RNLS: variants seen among roughly 807,000 people sequenced by gnomAD.
The protein encoded by RNLS is renalase, FAD dependent amine oxidase.
Under a neutral mutation model 39.8 loss-of-function variants are expected in RNLS, and 39 were observed. That is an observed-to-expected ratio of 0.98 (90% CI 0.76 to 1.28). RNLS has a LOEUF of 1.28. Among genes scored for constraint, RNLS ranks in the 50% most tolerant of loss-of-function variants. RNLS has a pLI of 0.00. For synonymous variants in RNLS, 147 were observed against 150.7 expected (o/e 0.98, Z 0.18); for missense variants, 410 against 413.3 (o/e 0.99, Z 0.07).
At chr10:88,236,488 G>A in the RNLS span, among the ~76,000 whole-genome samples, 1 of 152,202 alleles carries the variant, frequency 6.6e-6, no homozygotes, top group African/African-American at 2.4e-5. Context: ...GGCTACCCTT[G>A]ATAGTAGCCC....
chr10:88,252,296 C>CA, the RNLS span, among the ~76,000 whole-genome samples: 12 of 152,114 alleles, frequency 7.9e-5, no homozygotes, highest in African/African-American at 1.9e-4. Flanking sequence ...CTTGTTCTGA[C>CA]AAAAAACGCT....
intron 4 of RNLS, among the ~76,000 whole-genome samples, chr10:88,419,864 G>A (rs1462583247): frequency 1.3e-5 from 2 of 151,930 alleles, no homozygotes; most frequent in Non-Finnish European, 2.9e-5. Flanking sequence ...CAAAAAATTA[G>A]CCATGCATGG....
chr10:88,458,120 T>A (rs1842739421), intron 4 of RNLS, among the ~76,000 whole-genome samples: 1 of 152,226 alleles, frequency 6.6e-6, no homozygotes, highest in South Asian at 2.1e-4. Flanking sequence ...CCATCATGGG[T>A]TGGATGCCAC....
the RNLS span, among the ~76,000 whole-genome samples, chr10:88,225,043 G>A: frequency 1.3e-5 from 2 of 152,198 alleles, no homozygotes; most frequent in South Asian, 2.1e-4. Context: ...ACAATAGGAA[G>A]TATGTGGTGT....
chr10:88,563,919 A>T (rs1849342055), intron 4 of RNLS, among the ~76,000 whole-genome samples: 1 of 152,206 alleles, frequency 6.6e-6, no homozygotes, highest in Non-Finnish European at 1.5e-5. Context: ...ACTTTTCTAC[A>T]TTGAAATAAA....
chr10:88,501,009 A>G (rs888707363), intron 4 of RNLS, among the ~76,000 whole-genome samples: 1 of 130,958 alleles, frequency 7.6e-6, no homozygotes, highest in Non-Finnish European at 1.7e-5. Context: ...GTGTGTGTGT[A>G]TATATATCTC....
At chr10:88,426,019 G>A (rs1369017208) in intron 4 of RNLS, among the ~76,000 whole-genome samples, 1 of 151,968 alleles carries the variant, frequency 6.6e-6, no homozygotes, top group Non-Finnish European at 1.5e-5. Context: ...AAACTAACTT[G>A]GAAGTTTACT....
chr10:88,424,191 C>T (rs1854573939), intron 4 of RNLS, among the ~76,000 whole-genome samples: 1 of 152,182 alleles, frequency 6.6e-6, no homozygotes, highest in Admixed American at 6.5e-5. Context: ...GTTCCACCAA[C>T]ATGCATAATA....
chr10:88,206,636 C>T, the RNLS span, among the ~76,000 whole-genome samples: 2 of 152,072 alleles, frequency 1.3e-5, no homozygotes, highest in East Asian at 3.9e-4. Context: ...TACAACTTTC[C>T]TATTAAAGTT....
chr10:88,572,074 G>C (rs1016287169), intron 4 of RNLS, among the ~76,000 whole-genome samples: 2 of 152,004 alleles, frequency 1.3e-5, no homozygotes, highest in African/African-American at 4.8e-5. Flanking sequence ...AAAATCTTAG[G>C]TATCTACCTA....
rs550261867 is a variant in RNLS, at chr10:88,539,378, A to T, written c.526+33525T>A. Among the ~76,000 whole-genome samples, 44 of 152,296 alleles carry T rather than the reference A, an allele frequency of 2.9e-4. 1 individual carries two copies. The highest frequency in any genetic ancestry group is 5.8e-4 in the East Asian group (3 of 5,188). Reference sequence around the variant, plus strand: ...TAAGATGACAAAGGAGAATGCAGAAAATAATAGCATAAATTTTAATCCAGA... The same window carrying T: ...TAAGATGACAAAGGAGAATGCAGAATATAATAGCATAAATTTTAATCCAGA... On this transcript the variant is annotated intron_variant, in intron 4 of 6. Transcript: ENST00000331772.
intron 4 of RNLS, among the ~76,000 whole-genome samples, chr10:88,444,769 G>GA (rs1302465812): frequency 6.6e-6 from 1 of 152,090 alleles, no homozygotes; most frequent in African/African-American, 2.4e-5. Context: ...GAAGTTTAGA[G>GA]AAAAAAGAGT....
chr10:88,454,319 C>A (rs1842508357), intron 4 of RNLS, among the ~76,000 whole-genome samples: 1 of 152,174 alleles, frequency 6.6e-6, no homozygotes, highest in Non-Finnish European at 1.5e-5. Context: ...ATTTTGATGG[C>A]ATTGTGGGAG....
At chr10:88,524,760 T>C (rs1300207304) in intron 4 of RNLS, among the ~76,000 whole-genome samples, 2 of 151,598 alleles carry the variant, frequency 1.3e-5, no homozygotes, top group Non-Finnish European at 2.9e-5. Context: ...CATTTGTCCA[T>C]ATAAATACTG....
the RNLS span, among the ~76,000 whole-genome samples, chr10:88,196,603 TCA>T: frequency 6.6e-6 from 1 of 152,256 alleles, no homozygotes; most frequent in Admixed American, 6.5e-5. Context: ...CATTTCTCTC[TCA>T]GTTATCTGCT....
intron 6 of RNLS, among the ~76,000 whole-genome samples, chr10:88,296,940 C>T (rs574450361): frequency 1.3e-5 from 2 of 152,232 alleles, no homozygotes; most frequent in South Asian, 4.1e-4. Context: ...TGAGATAATG[C>T]TTCTGAGATT....
At chr10:88,410,241 A>G (rs1479967861) in intron 4 of RNLS, among the ~76,000 whole-genome samples, 1 of 152,176 alleles carries the variant, frequency 6.6e-6, no homozygotes, top group African/African-American at 2.4e-5. Flanking sequence ...TAGTTTTATT[A>G]TTCAAATTAA....
chr10:88,528,454 C>T (rs1847235514), intron 4 of RNLS, among the ~76,000 whole-genome samples: 1 of 152,210 alleles, frequency 6.6e-6, no homozygotes, highest in South Asian at 2.1e-4. Flanking sequence ...AAACAGGATA[C>T]AACATAGGGA....
intron 5 of RNLS, among the ~76,000 whole-genome samples, chr10:88,358,196 C>T (rs1849345231): frequency 6.6e-6 from 1 of 152,126 alleles, no homozygotes. Flanking sequence ...CAAATTTTAA[C>T]TCCATGAAGA....
Sources: allele counts gnomAD v4.1 joint callset (sites outside exome capture counted in the v4.1 genomes callset), GRCh38; gene constraint gnomAD v4.1.1; transcripts MANE v1.5; gene names NCBI Gene and HGNC (gene_info 2026-07-23, HGNC 2026-07-21).